The following FAXC variants were observed in gnomAD, a reference collection of about 807,000 sequenced individuals.
The protein encoded by FAXC is failed axon connections homolog.
Under a neutral mutation model 41.9 loss-of-function variants are expected in FAXC, and 10 were observed. The ratio of observed to expected loss-of-function variants is 0.24; its 90% CI spans 0.15 to 0.41. FAXC has a LOEUF of 0.41. FAXC is among the 10% of genes least tolerant of loss of function. The pLI is 1.00. For missense variants in FAXC, 399 were observed against 510.9 expected (o/e 0.78, Z 2.11); for synonymous variants, 183 against 183.8 (o/e 1.00, Z 0.03).
intron 4 of FAXC, among the ~76,000 whole-genome samples, chr6:99,297,327 A>G (rs1771536151): frequency 6.6e-6 from 1 of 152,154 alleles, no homozygotes; most frequent in Admixed American, 6.5e-5. Flanking sequence ...GGATGAGCAG[A>G]GCAGGGAGAA....
At chr6:99,325,888 A>AG (rs1772783832) in intron 3 of FAXC, among the ~76,000 whole-genome samples, 1 of 152,240 alleles carries the variant, frequency 6.6e-6, no homozygotes, top group African/African-American at 2.4e-5. Context: ...ACGGGTTAGA[A>AG]GGGGAAAAAA....
chr6:99,344,590 TA>T (rs529604483), intron 1 of FAXC, among the ~76,000 whole-genome samples: 184 of 145,242 alleles, frequency 1.3e-3, no homozygotes, highest in East Asian at 4.0e-3. Context: ...ATATGTCAAG[TA>T]AAAAAAAAAA....
At chr6:99,308,447 T>C (rs1772018457) in intron 4 of FAXC, among the ~76,000 whole-genome samples, 1 of 152,212 alleles carries the variant, frequency 6.6e-6, no homozygotes, top group East Asian at 1.9e-4. Flanking sequence ...ACTGGTCACT[T>C]TGTCAATTTG....
chr6:99,307,359 T>C (rs1023934232), intron 4 of FAXC, among the ~76,000 whole-genome samples: 4 of 152,142 alleles, frequency 2.6e-5, no homozygotes, highest in African/African-American at 9.7e-5. Flanking sequence ...ACAGGAAAGA[T>C]AATTTGTACT....
At chr6:99,334,473 A>T (rs2128463103) in intron 2 of FAXC, 2 of 267,024 alleles carry the variant, frequency 7.5e-6, no homozygotes, top group East Asian at 3.6e-4. Flanking sequence ...TGCAGTGAGC[A>T]ACTTGCACAA....
chr6:99,288,859 T>TACACACACAGACACAC (rs1554197989), intron 5 of FAXC, among the ~76,000 whole-genome samples: 6 of 145,852 alleles, frequency 4.1e-5, no homozygotes, highest in African/African-American at 1.5e-4. Context: ...CACACACACA[T>TACACACACAGACACAC]ACACACACAC....
At chr6:99,282,221 A>G (rs1770867598) in intron 5 of FAXC, among the ~76,000 whole-genome samples, 1 of 152,228 alleles carries the variant, frequency 6.6e-6, no homozygotes, top group Admixed American at 6.5e-5. Context: ...AAATTAATTT[A>G]TATTCCATAA....
chr6:99,308,776 T>C (rs894360821), intron 4 of FAXC, among the ~76,000 whole-genome samples: 1 of 152,108 alleles, frequency 6.6e-6, no homozygotes, highest in Non-Finnish European at 1.5e-5. Context: ...TACAAAGAGA[T>C]GTGTATCCAT....
chr6:99,272,562 C>T lies in FAXC; in HGVS notation c.*8602G>A, dbSNP rs1003617603. 1 of 152,226 alleles carries T rather than the reference C, an allele frequency of 6.6e-6. No individual in the cohort carries two copies. Among genetic ancestry groups the T allele is most frequent in the African/African-American group, 2.4e-5 (1 of 41,438 alleles). 9.4% of individuals were successfully genotyped at this position (152,226 alleles called of 1,614,324 possible). On this transcript the variant is annotated 3_prime_UTR_variant, in exon 6 of 6. Transcript: ENST00000389677. ...GTCTCAACATGTGCTCCCAGCTCTC[C>T]CTCTCCTCCTTGTCTTCTCTCTACC...
chr6:99,281,090 G>A lies in FAXC; in HGVS notation c.*74C>T. 2.6e-6 allele frequency: 2 copies of A among 756,076 alleles called. No homozygotes were observed. Among genetic ancestry groups the A allele is most frequent in the Non-Finnish European group, 4.8e-6 (2 of 414,152 alleles). The allele number at this position is 756,076 out of a possible 1,614,324, so 46.8% of individuals were successfully genotyped here. A position where few individuals can be genotyped will look rare whatever the true frequency, so the allele number is the denominator to read the frequency against. ...ACGAAGATCTCCTCCCAGCTCGGAT[G>A]GATTGCTACCTGGGAAAATGGACCG... On this transcript the variant is annotated 3_prime_UTR_variant, in exon 6 of 6. Transcript: ENST00000389677.
At chr6:99,313,788 G>A (rs641135) in intron 4 of FAXC, among the ~76,000 whole-genome samples, 133,118 of 152,160 alleles carry the variant, frequency 0.87, 58,733 homozygotes, top group East Asian at 1. Flanking sequence ...CACCTGTCCT[G>A]GCACCATTTA....
rs776984236 is a variant in FAXC at position 99,271,733 on chromosome 6, A to G, written c.*9431T>C. On this transcript the variant is annotated 3_prime_UTR_variant, in exon 6 of 6. Coordinates refer to ENST00000389677, the MANE Select transcript of FAXC (RefSeq NM_032511.4). ...AAATTAGGGGGTTCTCTCATTTCCT[A>G]CTTAATAGATATTCCCATGTTGGGA... 5 of 152,206 alleles carry G rather than the reference A, an allele frequency of 3.3e-5. No individual in the cohort carries two copies. Among genetic ancestry groups the G allele is most frequent in the Non-Finnish European group, 7.3e-5 (5 of 68,034 alleles). 9.4% of individuals were successfully genotyped at this position (152,206 alleles called of 1,614,324 possible).
At chr6:99,309,440 G>A (rs1203051466) in intron 4 of FAXC, among the ~76,000 whole-genome samples, 1 of 152,100 alleles carries the variant, frequency 6.6e-6, no homozygotes, top group Non-Finnish European at 1.5e-5. Flanking sequence ...ATTTTATTCT[G>A]CTAAAACTAA....
chr6:99,290,711 A>AAAT (rs937807883), intron 5 of FAXC, among the ~76,000 whole-genome samples: 10 of 151,654 alleles, frequency 6.6e-5, no homozygotes, highest in South Asian at 2.1e-4. Flanking sequence ...CAAAAATAAA[A>AAAT]AATAATAATA....
intron 1 of FAXC, among the ~76,000 whole-genome samples, chr6:99,346,532 G>A (rs1367971305): frequency 6.6e-6 from 1 of 151,954 alleles, no homozygotes; most frequent in Non-Finnish European, 1.5e-5. Context: ...AGGACTACAG[G>A]CGCGTGCCAC....
chr6:99,328,242 C>T (rs2128461300), intron 3 of FAXC, among the ~76,000 whole-genome samples: 1 of 152,284 alleles, frequency 6.6e-6, no homozygotes, highest in South Asian at 2.1e-4. Context: ...GTGTTGAAAC[C>T]TAACCCCCAG....
chr6:99,306,304 G>T (rs1771918291), intron 4 of FAXC, among the ~76,000 whole-genome samples: 1 of 152,184 alleles, frequency 6.6e-6, no homozygotes, highest in African/African-American at 2.4e-5. Flanking sequence ...GCAGTACAGG[G>T]CTTTGAAAGC....
At chr6:99,341,236 GAAGTA>G (rs1773417296) in intron 2 of FAXC, among the ~76,000 whole-genome samples, 1 of 152,030 alleles carries the variant, frequency 6.6e-6, no homozygotes, top group South Asian at 2.1e-4. Context: ...AATTTAAAAT[GAAGTA>G]TAGTAAGGAG....
chr6:99,335,604 C>T (rs182933142), intron 2 of FAXC, among the ~76,000 whole-genome samples: 3 of 152,328 alleles, frequency 2.0e-5, no homozygotes, highest in Non-Finnish European at 4.4e-5. Context: ...ATGCAGGACA[C>T]AGCAGTAAGG....
Sources: gnomAD v4.1 joint callset for allele counts (sites outside exome capture counted in the v4.1 genomes callset) on GRCh38, gnomAD v4.1.1 for gene constraint, MANE v1.5 for transcripts, NCBI Gene and HGNC (gene_info 2026-07-23, HGNC 2026-07-21) for gene names.